Variants in VRK3 observed in about 807,000 individuals in gnomAD.
The protein encoded by VRK3 is VRK serine/threonine kinase 3, also known as serine/threonine-protein kinase VRK3.
A neutral mutation model predicts 60.4 loss-of-function variants in VRK3; 50 were observed. That is an observed-to-expected ratio of 0.83 (90% CI 0.66 to 1.05). The LOEUF (loss-of-function observed/expected upper bound fraction) is 1.05, where lower values mean the gene tolerates loss of function less well. Among genes scored for constraint, VRK3 ranks in the 50% least tolerant of loss-of-function variants. The probability of loss-of-function intolerance (pLI) is 0.00; values close to 1 mark genes in which losing one functional copy is unlikely to be tolerated. For synonymous variants in VRK3, 246 were observed against 227.8 expected, an observed-to-expected ratio of 1.08 and a Z score of -0.72; for missense variants, 549 against 585.3, an observed-to-expected ratio of 0.94 and a Z score of 0.64.
In VRK3 at chr19:50,007,796, C is replaced by T. The variant is rs748012651; in HGVS notation, c.320G>A (p.Ser107Asn). 24 of 1,614,062 alleles carry T rather than the reference C, an allele frequency of 1.5e-5. No homozygotes were observed. Among genetic ancestry groups the T allele is most frequent in the Admixed American group, 6.7e-5 (4 of 59,994 alleles). Residue 107 changes from serine (S) to asparagine (N), a missense_variant, in exon 5 of 15, where the codon AGC becomes AAC. Ser to Asn is a conservative substitution (Grantham distance 46). Coordinates refer to ENST00000316763, the MANE Select transcript of VRK3 (RefSeq NM_016440.4). ...GCTCTTCCTGGTCTTCTGAGGGCTGCTTTTGGGGGTTGGGGGTCTGCTCCC... is the reference window on the plus strand; with the variant it reads ...GCTCTTCCTGGTCTTCTGAGGGCTGTTTTTGGGGGTTGGGGGTCTGCTCCC... ...GSGSRPPTPK[S>N]SPQKTRKSPQ...
At chr19:49,992,719 T>C in intron 10 of VRK3, 141 bp downstream of exon 10, 1 of 710,256 alleles carries the variant, frequency 1.4e-6, no homozygotes, top group Non-Finnish European at 2.3e-6. Flanking sequence ...TTGCTTATCT[T>C]ATTTATTTGA....
At chr19:50,010,571 T>C (rs1215377862) in intron 3 of VRK3, among the ~76,000 whole-genome samples, 2 of 152,222 alleles carry the variant, frequency 1.3e-5, no homozygotes, top group Non-Finnish European at 1.5e-5. Context: ...CACAGATCAG[T>C]GTGAATTCTG....
chr19:50,002,209 C>T (rs548780952), intron 5 of VRK3, among the ~76,000 whole-genome samples: 1 of 152,076 alleles, frequency 6.6e-6, no homozygotes, highest in Non-Finnish European at 1.5e-5. Flanking sequence ...AGGCTGGTAT[C>T]GTCTAAGACA....
At chr19:49,995,136 A>T in intron 8 of VRK3, 55 bp downstream of exon 8, 2 of 1,578,998 alleles carry the variant, frequency 1.3e-6, no homozygotes, top group Non-Finnish European at 1.7e-6. Context: ...CTGGAGTCAC[A>T]ACAGGAAGAA....
chr19:49,978,799 G>A (rs181140603), intron 14 of VRK3: 1 of 301,116 alleles, frequency 3.3e-6, no homozygotes, highest in Non-Finnish European at 6.2e-6. Context: ...TATTTTTGAG[G>A]CCCTGAATCC....
chr19:50,012,932 C>T (rs1346716769), intron 3 of VRK3, among the ~76,000 whole-genome samples: 1 of 151,938 alleles, frequency 6.6e-6, no homozygotes, highest in Non-Finnish European at 1.5e-5. Context: ...CTTTGGGAGG[C>T]CGAGGCGGGT....
Position 49,994,847 on chromosome 19 carries a change from T to A in VRK3, c.837A>T (p.Ser279=), listed in dbSNP as rs1279547385. 6.2e-7 allele frequency: 1 copy of A among 1,614,014 alleles called. No individual in the cohort carries two copies. Among genetic ancestry groups the A allele is most frequent in the Non-Finnish European group, 8.5e-7 (1 of 1,180,020 alleles). The change falls in exon 9 of 15, where the codon TCA becomes TCT. Residue 279 remains serine (S), a synonymous_variant. Coordinates refer to ENST00000316763, the MANE Select transcript of VRK3 (RefSeq NM_016440.4). ...AGGCCACCTGCAGCACAGACCTCTC[T>A]GACAGCACATGCTTTGGGCTGACAT... ...ALDVSPKHVL[S]ERSVLQVACR...
chr19:50,002,459 G>A (rs758409344), intron 5 of VRK3, among the ~76,000 whole-genome samples: 7 of 152,142 alleles, frequency 4.6e-5, no homozygotes, highest in Non-Finnish European at 8.8e-5. Context: ...TCATGACCAA[G>A]CATCCGCCCA....
intron 3 of VRK3, chr19:50,015,809 AAGG>A (rs777288886): frequency 3.3e-6 from 2 of 612,368 alleles, no homozygotes; most frequent in African/African-American, 1.8e-5. Context: ...GATAGAAATG[AAGG>A]AGATGTTAAC....
chr19:50,003,530 A>G (rs922769666), intron 5 of VRK3, among the ~76,000 whole-genome samples: 1 of 152,180 alleles, frequency 6.6e-6, no homozygotes, highest in Non-Finnish European at 1.5e-5. Flanking sequence ...GTTCTCCCCT[A>G]TAGCTCAGCG....
chr19:49,978,973 G>C (rs1049382651), intron 14 of VRK3, 110 bp downstream of exon 14: 1 of 1,184,956 alleles, frequency 8.4e-7, no homozygotes, highest in Non-Finnish European at 1.1e-6. Flanking sequence ...TGGGAAGCTG[G>C]GCCCTGGTAT....
chr19:50,007,945 C>A, intron 4 of VRK3, 119 bp from the exon 5 acceptor site: 1 of 1,409,294 alleles, frequency 7.1e-7, no homozygotes, highest in East Asian at 2.4e-5. Flanking sequence ...ACAAACATTT[C>A]CTGGGACCTT....
intron 3 of VRK3, among the ~76,000 whole-genome samples, chr19:50,009,738 A>G (rs571956579): frequency 7.2e-5 from 11 of 152,016 alleles, no homozygotes; most frequent in Non-Finnish European, 1.6e-4. Flanking sequence ...GGTTCAAGCA[A>G]TTCTCCTGCC....
Position 50,017,187 on chromosome 19 carries a change from C to A in VRK3, c.-1-1024G>T, listed in dbSNP as rs143613856. ...CCAGCCTGGACAAGAAGAGTGAAAA[C>A]TCTGTCTCAAACAAACAAAACAAAC... On this transcript the variant is annotated intron_variant, in intron 2 of 14. Coordinates refer to ENST00000316763, the MANE Select transcript of VRK3 (RefSeq NM_016440.4). Among the ~76,000 whole-genome samples the A allele has an allele frequency of 5.3e-5, 8 of 151,748 alleles. No homozygotes were observed. The East Asian group carries it at 1.6e-3, about 30-fold the overall frequency.
At chr19:50,009,646 A>C (rs958654876) in intron 3 of VRK3, among the ~76,000 whole-genome samples, 3 of 152,022 alleles carry the variant, frequency 2.0e-5, no homozygotes, top group African/African-American at 7.2e-5. Context: ...ATATGTATGT[A>C]TATTTGAGAT....
intron 3 of VRK3, among the ~76,000 whole-genome samples, chr19:50,012,903 C>T (rs998026084): frequency 1.3e-5 from 2 of 151,704 alleles, no homozygotes; most frequent in Non-Finnish European, 2.9e-5. Context: ...CGCAGTGGCT[C>T]ACACCTATAA....
intron 3 of VRK3, among the ~76,000 whole-genome samples, chr19:50,010,570 G>C (rs971089294): frequency 2.6e-5 from 4 of 152,242 alleles, no homozygotes; most frequent in African/African-American, 7.2e-5. Context: ...ACACAGATCA[G>C]TGTGAATTCT....
intron 12 of VRK3, 94 bp from the exon 13 acceptor site, chr19:49,981,107 A>G: frequency 9.4e-7 from 1 of 1,058,764 alleles, no homozygotes; most frequent in Non-Finnish European, 1.4e-6. Context: ...AGCCTAAGAT[A>G]TATACACAGT....
At chr19:50,019,516 T>C (rs76355839) in intron 2 of VRK3, among the ~76,000 whole-genome samples, 7 of 151,790 alleles carry the variant, frequency 4.6e-5, no homozygotes, top group Admixed American at 4.6e-4. Context: ...TACACTTCTT[T>C]TTTATTTTTT....
Sources: allele counts gnomAD v4.1 joint callset (sites outside exome capture counted in the v4.1 genomes callset), GRCh38; gene constraint gnomAD v4.1.1; transcripts MANE v1.5; gene names NCBI Gene and HGNC (gene_info 2026-07-23, HGNC 2026-07-21).